Variants in JMJD1C observed in about 807,000 individuals in gnomAD.
JMJD1C encodes jumonji domain-containing protein 1C.
Under a neutral mutation model 245.3 loss-of-function variants are expected in JMJD1C, and 31 were observed. The ratio of observed to expected loss-of-function variants is 0.13; its 90% CI spans 0.09 to 0.17. The LOEUF is 0.17. JMJD1C is among the 10% of genes least tolerant of loss of function. JMJD1C has a pLI of 1.00. For synonymous variants in JMJD1C, 1,057 were observed against 1,017.4 expected, an observed-to-expected ratio of 1.04 and a Z score of -0.74; for missense variants, 2,691 against 3,000.2, an observed-to-expected ratio of 0.90 and a Z score of 2.41.
At chr10:63,521,456 C>G (rs1302035875) in intron 1 of JMJD1C, 2 of 805,186 alleles carry the variant, frequency 2.5e-6, no homozygotes, top group Non-Finnish European at 3.3e-6. Flanking sequence ...GCGCGAGGAG[C>G]CGGCGAAGCG....
chr10:63,291,544 G>A (rs1191451410), intron 2 of JMJD1C, among the ~76,000 whole-genome samples: 1 of 151,682 alleles, frequency 6.6e-6, no homozygotes, highest in Non-Finnish European at 1.5e-5. Context: ...GAACCCGCGA[G>A]GCAGAGGTTG....
intron 2 of JMJD1C, among the ~76,000 whole-genome samples, chr10:63,279,294 T>TA (rs1857154337): frequency 6.6e-6 from 1 of 152,128 alleles, no homozygotes; most frequent in Non-Finnish European, 1.5e-5. Flanking sequence ...AAATATGTCT[T>TA]ATGATAAAAA....
chr10:63,501,142 C>T (rs955561287), intron 1 of JMJD1C, among the ~76,000 whole-genome samples: 24 of 152,232 alleles, frequency 1.6e-4, no homozygotes, highest in Admixed American at 1.2e-3. Flanking sequence ...ACCTGCCAGA[C>T]GCGGTAGCTG....
intron 10 of JMJD1C, chr10:63,204,588 C>G (rs761268378): frequency 1.7e-5 from 17 of 985,276 alleles, no homozygotes; most frequent in Non-Finnish European, 2.0e-5. Flanking sequence ...ATTGCTCACA[C>G]TAAGCCTATT....
intron 2 of JMJD1C, among the ~76,000 whole-genome samples, chr10:63,301,173 G>A (rs955389744): frequency 6.6e-6 from 1 of 151,980 alleles, no homozygotes; most frequent in Non-Finnish European, 1.5e-5. Context: ...GTACCATCAC[G>A]CCTGGCTAAT....
intron 2 of JMJD1C, among the ~76,000 whole-genome samples, chr10:63,285,424 T>C (rs1857871739): frequency 6.6e-6 from 1 of 152,174 alleles, no homozygotes; most frequent in Admixed American, 6.5e-5. Flanking sequence ...CATTTCTAAA[T>C]CCCTTCCCTT....
intron 2 of JMJD1C, among the ~76,000 whole-genome samples, chr10:63,357,342 G>C (rs1944931725): frequency 1.3e-5 from 2 of 150,414 alleles, no homozygotes. Context: ...GTCTCGCTCT[G>C]TTGCCCAGGC....
intron 2 of JMJD1C, among the ~76,000 whole-genome samples, chr10:63,308,751 CAAAAAA>C (rs377153800): frequency 2.0e-5 from 1 of 49,856 alleles, no homozygotes; most frequent in Non-Finnish European, 4.3e-5. Flanking sequence ...CATTTGAGAA[CAAAAAA>C]AAAAAAAAAA....
intron 1 of JMJD1C, among the ~76,000 whole-genome samples, chr10:63,510,973 TCTA>T (rs1441836630): frequency 6.6e-6 from 1 of 152,264 alleles, no homozygotes; most frequent in Non-Finnish European, 1.5e-5. Flanking sequence ...TGCTCTGAAG[TCTA>T]CTATTAATAT....
intron 2 of JMJD1C, among the ~76,000 whole-genome samples, chr10:63,321,441 T>C (rs960785704): frequency 2.6e-5 from 4 of 152,178 alleles, no homozygotes; most frequent in African/African-American, 9.7e-5. Flanking sequence ...TAGCTGTAGG[T>C]AGACAGCGTG....
At chr10:63,451,226 C>T (rs772399771) in intron 1 of JMJD1C, among the ~76,000 whole-genome samples, 2 of 152,292 alleles carry the variant, frequency 1.3e-5, no homozygotes, top group South Asian at 2.1e-4. Flanking sequence ...AGATTCAATA[C>T]ATACAAACCC....
chr10:63,197,489 T>C lies in JMJD1C; in HGVS notation c.5566A>G (p.Ile1856Val), dbSNP rs1025433836. 1.2e-6 allele frequency: 2 copies of C among 1,611,124 alleles called. No homozygotes were observed. The highest frequency in any genetic ancestry group is 2.7e-5 in the African/African-American group (2 of 74,682). ...CCACATTTTTGGCAGACCCAGTGAATGTTAAACAATGTTGCTTCACATGCA... is the reference window on the plus strand; with the variant it reads ...CCACATTTTTGGCAGACCCAGTGAACGTTAAACAATGTTGCTTCACATGCA... ...CDACEATLFN[I>V]HWVCQKCGFV... The change falls in exon 13 of 26, where the codon ATT becomes GTT. Residue 1856 changes from isoleucine (I) to valine (V), a missense_variant. Ile to Val is a conservative substitution (Grantham distance 29). Coordinates refer to ENST00000399262, the MANE Select transcript of JMJD1C (RefSeq NM_032776.3).
intron 1 of JMJD1C, among the ~76,000 whole-genome samples, chr10:63,396,009 G>A (rs1199100555): frequency 1.3e-5 from 2 of 152,000 alleles, no homozygotes; most frequent in East Asian, 1.9e-4. Flanking sequence ...CTTAATCGTC[G>A]AAATGGTTAC....
intron 18 of JMJD1C, among the ~76,000 whole-genome samples, chr10:63,187,100 AAAGAATAATC>A (rs1844219821): frequency 6.6e-6 from 1 of 152,236 alleles, no homozygotes; most frequent in Non-Finnish European, 1.5e-5. Context: ...AGGAACCACA[AAAGAATAATC>A]TCTAGCTAGA....
At chr10:63,427,020 C>T (rs540216040) in intron 1 of JMJD1C, among the ~76,000 whole-genome samples, 2 of 152,284 alleles carry the variant, frequency 1.3e-5, no homozygotes, top group South Asian at 2.1e-4. Flanking sequence ...AAGACATCCT[C>T]GTTAAAAATA....
intron 3 of JMJD1C, among the ~76,000 whole-genome samples, chr10:63,242,429 T>C (rs916808385): frequency 2.6e-5 from 4 of 152,120 alleles, no homozygotes; most frequent in Admixed American, 6.5e-5. Context: ...TTAGGATACA[T>C]GAAAAAAGCA....
At position 63,222,209 on chromosome 10, in the gene JMJD1C, A is replaced by G. The variant is rs117556425; in HGVS notation, c.448-2226T>C. The G allele has an allele frequency of 3.8e-3, 2,893 of 762,628 alleles. 54 individuals carry two copies. Among genetic ancestry groups the G allele is most frequent in the South Asian group, 0.027 (2,033 of 74,446 alleles). The allele number at this position is 762,628 out of a possible 1,614,324, so 47.2% of individuals were successfully genotyped here. On this transcript the variant is annotated intron_variant, in intron 3 of 25. Transcript: ENST00000399262. ...TATCAACTTGACTGACACCATGTTC[A>G]GAGGAATTTATAGGGGGGTTCAAAA...
At chr10:63,467,000 A>C (rs1953318177), upstream of JMJD1C, among the ~76,000 whole-genome samples, 1 of 126,986 alleles carries the variant, frequency 7.9e-6, no homozygotes, top group African/African-American at 2.7e-5. Context: ...ATTTTCCTGA[A>C]CCTCTATTTA....
intron 1 of JMJD1C, among the ~76,000 whole-genome samples, chr10:63,454,220 G>A (rs1009950702): frequency 2.6e-5 from 4 of 151,476 alleles, no homozygotes; most frequent in Admixed American, 1.3e-4. Context: ...TCAACCAAGC[G>A]TACAAAATGT....
Sources: allele counts gnomAD v4.1 joint callset (sites outside exome capture counted in the v4.1 genomes callset), GRCh38; gene constraint gnomAD v4.1.1; transcripts MANE v1.5; gene names NCBI Gene and HGNC (gene_info 2026-07-23, HGNC 2026-07-21).